Variants in FTCDNL1 observed in about 807,000 individuals in gnomAD.
FTCDNL1 encodes the protein formiminotransferase cyclodeaminase N-terminal like.
FTCDNL1 carries 11 observed loss-of-function variants against 5.9 expected under a neutral mutation model. That is an observed-to-expected ratio of 1.87 (90% CI 1.18 to 3.10). FTCDNL1 has a LOEUF of 3.10. FTCDNL1 is among the 30% of genes most tolerant of loss of function. FTCDNL1 has a pLI of 0.00. For synonymous variants in FTCDNL1, 58 were observed against 24.8 expected, an observed-to-expected ratio of 2.34 and a Z score of -3.99; for missense variants, 115 against 65.5, an observed-to-expected ratio of 1.76 and a Z score of -2.61.
chr2:199,676,428 T>A, the FTCDNL1 span, among the ~76,000 whole-genome samples: 15 of 152,196 alleles, frequency 9.9e-5, no homozygotes, highest in Middle Eastern at 3.4e-3. Context: ...TTATATATAA[T>A]CAAAAATGTT....
chr2:199,700,248 T>TGG, the FTCDNL1 span, among the ~76,000 whole-genome samples: 1 of 152,160 alleles, frequency 6.6e-6, no homozygotes, highest in South Asian at 2.1e-4. Context: ...CATCGCTATA[T>TGG]ACCAATAATG....
At chr2:199,741,801 A>G in the FTCDNL1 span, among the ~76,000 whole-genome samples, 1 of 152,032 alleles carries the variant, frequency 6.6e-6, no homozygotes, top group Non-Finnish European at 1.5e-5. Flanking sequence ...ATGCTCTGAA[A>G]ATCCTACAGT....
chr2:199,708,039 T>C, the FTCDNL1 span, among the ~76,000 whole-genome samples: 1 of 152,134 alleles, frequency 6.6e-6, no homozygotes, highest in African/African-American at 2.4e-5. Flanking sequence ...CTCCTTTTCC[T>C]CTTAGATTCC....
downstream of FTCDNL1, among the ~76,000 whole-genome samples, chr2:199,809,014 A>G (rs1700877811): frequency 1.3e-5 from 2 of 152,164 alleles, no homozygotes; most frequent in African/African-American, 4.8e-5. Flanking sequence ...AGACAGACCT[A>G]TCAGGTCTAA....
intron 3 of FTCDNL1, among the ~76,000 whole-genome samples, chr2:199,787,644 A>C (rs1047748834): frequency 2.0e-5 from 3 of 152,232 alleles, no homozygotes. Flanking sequence ...AAAATCTCAG[A>C]GACAAGAGAG....
At chr2:199,749,006 A>T in the FTCDNL1 span, among the ~76,000 whole-genome samples, 1 of 152,178 alleles carries the variant, frequency 6.6e-6, no homozygotes, top group Non-Finnish European at 1.5e-5. Context: ...GGACTCTCTC[A>T]GCCCCTCCAC....
At chr2:199,672,242 T>C in the FTCDNL1 span, among the ~76,000 whole-genome samples, 1 of 152,236 alleles carries the variant, frequency 6.6e-6, no homozygotes, top group South Asian at 2.1e-4. Flanking sequence ...CTGCAAGTTC[T>C]GAAGTTTCAT....
At chr2:199,837,720 T>C (rs562854565) in intron 3 of FTCDNL1, among the ~76,000 whole-genome samples, 2 of 152,332 alleles carry the variant, frequency 1.3e-5, no homozygotes, top group South Asian at 2.1e-4. Flanking sequence ...TAATGTTTTA[T>C]ATATTTTTTT....
intron 3 of FTCDNL1, among the ~76,000 whole-genome samples, chr2:199,843,212 G>A: frequency 6.6e-6 from 1 of 152,200 alleles, no homozygotes; most frequent in East Asian, 1.9e-4. Flanking sequence ...CAAAGGGCAA[G>A]GGAAGGGAGA....
chr2:199,738,026 A>G, the FTCDNL1 span, among the ~76,000 whole-genome samples: 1 of 152,194 alleles, frequency 6.6e-6, no homozygotes, highest in African/African-American at 2.4e-5. Flanking sequence ...TAACTGCTTC[A>G]CTGGGTTCTC....
the FTCDNL1 span, among the ~76,000 whole-genome samples, chr2:199,672,802 G>C: frequency 9.2e-5 from 14 of 152,086 alleles, no homozygotes; most frequent in Non-Finnish European, 2.9e-5. Flanking sequence ...TCTCCTAAGA[G>C]ATAGAGTCAG....
the FTCDNL1 span, among the ~76,000 whole-genome samples, chr2:199,669,127 T>C: frequency 6.6e-6 from 1 of 152,154 alleles, no homozygotes; most frequent in African/African-American, 2.4e-5. Flanking sequence ...AAATTCAACT[T>C]AACTGAACTT....
chr2:199,805,636 G>A (rs1227773427), downstream of FTCDNL1, among the ~76,000 whole-genome samples: 1 of 152,136 alleles, frequency 6.6e-6, no homozygotes, highest in African/African-American at 2.4e-5. Context: ...CTACTCCAGA[G>A]GCTGAGGCAG....
chr2:199,715,896 C>T, the FTCDNL1 span, among the ~76,000 whole-genome samples: 14 of 151,978 alleles, frequency 9.2e-5, no homozygotes, highest in Admixed American at 2.6e-4. Context: ...AGATTAATCC[C>T]GCTCTGAAAA....
the FTCDNL1 span, among the ~76,000 whole-genome samples, chr2:199,669,687 C>T: frequency 4.9e-3 from 743 of 152,172 alleles, 4 homozygotes; most frequent in African/African-American, 0.015. Context: ...AAGATTCTGC[C>T]GAACCTTTTG....
the FTCDNL1 span, among the ~76,000 whole-genome samples, chr2:199,705,993 A>G: frequency 6.6e-6 from 1 of 152,164 alleles, no homozygotes; most frequent in African/African-American, 2.4e-5. Flanking sequence ...GTCTTGGGCT[A>G]GGATTGCTAA....
downstream of FTCDNL1, among the ~76,000 whole-genome samples, chr2:199,757,182 A>G (rs1019806456): frequency 6.2e-4 from 94 of 152,352 alleles, 1 homozygote; most frequent in Admixed American, 3.9e-3. Context: ...GTTGAGGGGA[A>G]AAGTCCATAA....
At chr2:199,798,634 G>A (rs559055389) in intron 3 of FTCDNL1, among the ~76,000 whole-genome samples, 18 of 152,244 alleles carry the variant, frequency 1.2e-4, no homozygotes, top group African/African-American at 2.9e-4. Context: ...CCACGTGAGC[G>A]GCACAGAGAG....
intron 3 of FTCDNL1, among the ~76,000 whole-genome samples, chr2:199,845,030 C>A (rs988975794): frequency 1.3e-5 from 2 of 152,076 alleles, no homozygotes; most frequent in Non-Finnish European, 2.9e-5. Context: ...AAACTATAGG[C>A]ATGAGCCACT....
Sources: allele counts gnomAD v4.1 joint callset (sites outside exome capture counted in the v4.1 genomes callset), GRCh38; gene constraint gnomAD v4.1.1; transcripts MANE v1.5; gene names NCBI Gene and HGNC (gene_info 2026-07-23, HGNC 2026-07-21).